The following XKR9 variants were observed in gnomAD, a reference collection of about 807,000 sequenced individuals.
XKR9 encodes XK related 9, also known as XK-related protein 9.
Under a neutral mutation model 32.0 loss-of-function variants are expected in XKR9, and 32 were observed. The ratio of observed to expected loss-of-function variants is 1.00; its 90% confidence interval spans 0.76 to 1.34. The LOEUF (loss-of-function observed/expected upper bound fraction) is 1.34, where lower values mean the gene tolerates loss of function less well. XKR9 is among the 40% of genes most tolerant of loss of function. XKR9 has a pLI of 0.00. For missense variants in XKR9, 546 were observed against 429.7 expected, an observed-to-expected ratio of 1.27 and a Z score of -2.39; for synonymous variants, 168 against 143.4, an observed-to-expected ratio of 1.17 and a Z score of -1.22.
chr8:70,788,407 A>G (rs1444339), intron 2 of XKR9, among the ~76,000 whole-genome samples: 48,378 of 152,008 alleles, frequency 0.32, 9,063 homozygotes, highest in Non-Finnish European at 0.43. Flanking sequence ...TCATACAAGT[A>G]TGGTTGCTAC....
chr8:70,814,444 A>C, the XKR9 span, among the ~76,000 whole-genome samples: 35 of 151,982 alleles, frequency 2.3e-4, 1 homozygote, highest in African/African-American at 8.2e-4. Context: ...AAAGTATAAT[A>C]ATATTAAAAT....
chr8:70,839,952 G>C, the XKR9 span, among the ~76,000 whole-genome samples: 1 of 152,092 alleles, frequency 6.6e-6, no homozygotes, highest in Non-Finnish European at 1.5e-5. Flanking sequence ...CCCATTTAAC[G>C]TTCTCTTTCA....
At chr8:71,005,802 C>G in the XKR9 span, among the ~76,000 whole-genome samples, 5 of 152,212 alleles carry the variant, frequency 3.3e-5, no homozygotes, top group Non-Finnish European at 5.9e-5. Context: ...AAGGGCAGTG[C>G]ATCCTCATCT....
chr8:71,012,623 T>C, the XKR9 span, among the ~76,000 whole-genome samples: 2 of 152,292 alleles, frequency 1.3e-5, no homozygotes, highest in African/African-American at 4.8e-5. Flanking sequence ...CTATCTTTCA[T>C]TGCACTCCTA....
At chr8:70,832,595 G>A in the XKR9 span, among the ~76,000 whole-genome samples, 566 of 152,250 alleles carry the variant, frequency 3.7e-3, 3 homozygotes, top group Middle Eastern at 0.037. Flanking sequence ...CTCAAATGCT[G>A]TGTAATCACT....
intron 2 of XKR9, among the ~76,000 whole-genome samples, chr8:70,761,086 A>G: frequency 6.6e-6 from 1 of 152,202 alleles, no homozygotes; most frequent in South Asian, 2.1e-4. Context: ...GTGCTTATGT[A>G]CCACATTTTC....
the XKR9 span, among the ~76,000 whole-genome samples, chr8:70,836,034 A>G: frequency 6.6e-6 from 1 of 152,030 alleles, no homozygotes; most frequent in Admixed American, 6.6e-5. Flanking sequence ...TCTACTATAC[A>G]CATTTTGCTA....
chr8:71,038,750 CA>C, the XKR9 span, among the ~76,000 whole-genome samples: 61,074 of 98,126 alleles, frequency 0.62, 16,148 homozygotes, highest in East Asian at 0.87. Flanking sequence ...TCTCAATTTT[CA>C]AAAAAAAAAA....
At chr8:70,774,247 TA>T (rs1044475551) in intron 2 of XKR9, among the ~76,000 whole-genome samples, 3 of 152,206 alleles carry the variant, frequency 2.0e-5, no homozygotes, top group African/African-American at 7.2e-5. Context: ...TGCTATCTCT[TA>T]AAGCTTCCAC....
the XKR9 span, among the ~76,000 whole-genome samples, chr8:70,940,457 C>T: frequency 9.5e-4 from 145 of 152,124 alleles, no homozygotes; most frequent in East Asian, 9.7e-4. Context: ...TGGGCAAGTT[C>T]TAACTTCTCT....
chr8:70,822,384 G>A, the XKR9 span, among the ~76,000 whole-genome samples: 3 of 151,870 alleles, frequency 2.0e-5, no homozygotes, highest in African/African-American at 7.3e-5. Context: ...AATAATTTCA[G>A]ATAGTTTGGG....
At chr8:70,856,107 G>T in the XKR9 span, among the ~76,000 whole-genome samples, 4 of 152,234 alleles carry the variant, frequency 2.6e-5, no homozygotes, top group East Asian at 3.9e-4. Flanking sequence ...ATAATGACAG[G>T]ATCAAATGCA....
the XKR9 span, among the ~76,000 whole-genome samples, chr8:70,972,187 A>G: frequency 4.6e-5 from 7 of 151,988 alleles, no homozygotes; most frequent in East Asian, 1.9e-4. Flanking sequence ...TTGGTTAGGT[A>G]TATTCCTAAG....
the XKR9 span, among the ~76,000 whole-genome samples, chr8:70,840,459 G>C: frequency 6.6e-6 from 1 of 152,092 alleles, no homozygotes; most frequent in African/African-American, 2.4e-5. Context: ...AATAGTGATT[G>C]TGTTATTTTC....
At chr8:70,918,486 A>T in the XKR9 span, among the ~76,000 whole-genome samples, 4 of 152,120 alleles carry the variant, frequency 2.6e-5, no homozygotes, top group Non-Finnish European at 5.9e-5. Context: ...ACTGAAGTAT[A>T]AGACAGTGCA....
chr8:70,920,191 T>C, the XKR9 span, among the ~76,000 whole-genome samples: 2 of 152,232 alleles, frequency 1.3e-5, no homozygotes. Context: ...TAATGCAGCT[T>C]TGTCTGTCCT....
downstream of XKR9, among the ~76,000 whole-genome samples, chr8:70,792,925 G>C (rs1241740681): frequency 1.3e-5 from 2 of 152,072 alleles, no homozygotes; most frequent in African/African-American, 2.4e-5. Context: ...GGACTTTCCA[G>C]CTTCAAGAAC....
At chr8:71,003,143 G>C in the XKR9 span, among the ~76,000 whole-genome samples, 1 of 152,118 alleles carries the variant, frequency 6.6e-6, no homozygotes. Flanking sequence ...GCTTATTTCG[G>C]GGTCATTAAG....
At chr8:70,988,589 T>C in the XKR9 span, among the ~76,000 whole-genome samples, 10 of 152,162 alleles carry the variant, frequency 6.6e-5, no homozygotes, top group Admixed American at 6.5e-4. Flanking sequence ...CTATTATTTA[T>C]TTTTCCTCCA....
Sources: gnomAD v4.1 joint callset for allele counts (sites outside exome capture counted in the v4.1 genomes callset) on GRCh38, gnomAD v4.1.1 for gene constraint, MANE v1.5 for transcripts, NCBI Gene and HGNC (gene_info 2026-07-23, HGNC 2026-07-21) for gene names.